Variants in RAPSN observed in about 807,000 individuals in gnomAD.
The protein encoded by RAPSN is 43 kDa receptor-associated protein of the synapse.
Under a neutral mutation model 45.7 loss-of-function variants are expected in RAPSN, and 33 were observed. The observed-to-expected ratio is 0.72, with a 90% CI of 0.55 to 0.97. The LOEUF (loss-of-function observed/expected upper bound fraction) is 0.97. Among genes scored for constraint, RAPSN ranks in the 50% least tolerant of loss-of-function variants. The pLI, the probability that RAPSN is intolerant of heterozygous loss-of-function variation, is 0.00. For synonymous variants in RAPSN, 244 were observed against 233.6 expected, an observed-to-expected ratio of 1.04 and a Z score of -0.40; for missense variants, 519 against 559.4, an observed-to-expected ratio of 0.93 and a Z score of 0.73.
chr11:47,442,535 G>T, intron 3 of RAPSN, 121 bp downstream of exon 3: 2 of 1,164,200 alleles, frequency 1.7e-6, no homozygotes, highest in Non-Finnish European at 2.4e-6. Context: ...GGCTGGGCCA[G>T]AGGCAAGCCC....
In RAPSN at chr11:47,448,760, CG is replaced by C. The variant is rs776703465; in HGVS notation, c.192+12del. The C allele has an allele frequency of 4.4e-6, 7 of 1,606,774 alleles. No individual in the cohort carries two copies. The South Asian group carries it at 7.7e-5, about 18-fold the overall frequency. ...GCCTGACCCTCGAACGCCCCCAGGC[CG>C]GGTACACCCACCTTCAGCATCTCCT... On this transcript the variant is annotated intron_variant, in intron 1 of 7. Coordinates refer to ENST00000298854, the MANE Select transcript of RAPSN (RefSeq NM_005055.5).
At chr11:47,442,163 C>A (rs2076370890) in intron 3 of RAPSN, among the ~76,000 whole-genome samples, 1 of 152,212 alleles carries the variant, frequency 6.6e-6, no homozygotes, top group African/African-American at 2.4e-5. Flanking sequence ...AGTGACAAAG[C>A]TGGGATGTGA....
In RAPSN at chr11:47,441,852, C is replaced by T. The variant is rs750888238; in HGVS notation, c.760G>A (p.Asp254Asn). The T allele has an allele frequency of 2.5e-6, 4 of 1,573,008 alleles. No individual in the cohort carries two copies. In the Admixed American group the frequency reaches 5.3e-5, roughly 21 times the overall value. Residue 254 changes from aspartate to asparagine, a missense_variant, in exon 4 of 8, where the codon GAC (aspartate) becomes AAC (asparagine). By Grantham distance (23) the Asp-to-Asn change is conservative. Coordinates refer to ENST00000298854, the MANE Select transcript of RAPSN (RefSeq NM_005055.5). ...LQALCLLCFADIHRSRGDLET... is the reference protein window; with the variant it reads ...LQALCLLCFANIHRSRGDLET... ...AGGTCCCCACGGCTCCGGTGGATGTCAGCGAAGCAGAGCAGGCAGAGCGCC... is the reference window on the plus strand; with the variant it reads ...AGGTCCCCACGGCTCCGGTGGATGTTAGCGAAGCAGAGCAGGCAGAGCGCC...
At chr11:47,442,582 C>G in intron 3 of RAPSN, 74 bp downstream of exon 3, 1 of 1,532,968 alleles carries the variant, frequency 6.5e-7, no homozygotes, top group Non-Finnish European at 8.9e-7. Flanking sequence ...AAGAAGGAAG[C>G]CCTGCTGTCC....
At chr11:47,442,205 C>A (rs534924757) in intron 3 of RAPSN, among the ~76,000 whole-genome samples, 2 of 152,214 alleles carry the variant, frequency 1.3e-5, no homozygotes, top group Non-Finnish European at 2.9e-5. Flanking sequence ...GAAACTGGCC[C>A]TCTTCCGTCT....
At position 47,448,113 on chromosome 11, in the gene RAPSN, T is replaced by A; in HGVS notation, c.230A>T (p.Glu77Val). 1 of 1,613,498 alleles carries A rather than the reference T, an allele frequency of 6.2e-7. No individual in the cohort carries two copies. The highest frequency in any genetic ancestry group is 8.5e-7 in the Non-Finnish European group (1 of 1,179,966). ...VVQIDTAREL[E>V]DADFLLESYL... ...GCTCTCCAGGAGGAAGTCGGCATCC[T>A]CCAGCTCCCGGGCCGTGTCGATCTG... is the stretch of plus-strand genomic sequence containing the variant. Residue 77 changes from glutamate to valine, a missense_variant, in exon 2 of 8, where the codon GAG (glutamate) becomes GTG (valine). Glu to Val is a moderately radical substitution (Grantham distance 121). Coordinates refer to ENST00000298854, the MANE Select transcript of RAPSN (RefSeq NM_005055.5).
intron 5 of RAPSN, 94 bp downstream of exon 5, chr11:47,441,517 G>A (rs768805389): frequency 1.3e-5 from 20 of 1,575,642 alleles, no homozygotes; most frequent in Middle Eastern, 3.3e-4. Flanking sequence ...TGAGGCTGAC[G>A]TCAGACAAAG....
intron 2 of RAPSN, 78 bp downstream of exon 2, chr11:47,447,734 T>C (rs893879867): frequency 4.0e-5 from 58 of 1,444,272 alleles, no homozygotes; most frequent in Admixed American, 2.7e-4. Context: ...CTGAATGAGG[T>C]AGTGCCACAG....
intron 2 of RAPSN, among the ~76,000 whole-genome samples, chr11:47,444,508 C>T (rs1466310441): frequency 6.6e-6 from 1 of 151,864 alleles, no homozygotes; most frequent in African/African-American, 2.4e-5. Flanking sequence ...CACTGCACTC[C>T]ATCCTGGGTG....
At position 47,441,823 on chromosome 11, in the gene RAPSN, C is replaced by T; in HGVS notation, c.789G>A (p.Glu263=). The T allele has an allele frequency of 6.4e-7, 1 of 1,573,822 alleles. No homozygotes were observed. Among genetic ancestry groups the T allele is most frequent in the Non-Finnish European group, 8.6e-7 (1 of 1,165,486 alleles). Residue 263 remains glutamate, a splice_region_variant and synonymous_variant, in exon 4 of 8, where the codon GAG becomes GAA. Coordinates refer to ENST00000298854, the MANE Select transcript of RAPSN (RefSeq NM_005055.5). ...AGCCCCTGCATCCCGGTGACCTCAC[C>T]TCCAGGTCCCCACGGCTCCGGTGGA... ...ADIHRSRGDL[E]TAFPRYDSAM...
intron 3 of RAPSN, 76 bp from the exon 4 acceptor site, chr11:47,441,997 C>T: frequency 1.4e-6 from 2 of 1,415,344 alleles, no homozygotes; most frequent in South Asian, 1.2e-5. Context: ...ACAGACCCCT[C>T]TGAAGGGACA....
rs371398455 is a variant in RAPSN at position 47,441,154 on chromosome 11, C to G, written c.966+5G>C. On this transcript the variant is annotated splice_donor_5th_base_variant and intron_variant, in intron 6 of 7. Coordinates refer to ENST00000298854, the MANE Select transcript of RAPSN (RefSeq NM_005055.5). ...CCAGATCCAGGACACAGAATCAAGT[C>G]TGACCTTGTTCCCCACCTCCTCGGC... 6 of 1,614,024 alleles carry G rather than the reference C, an allele frequency of 3.7e-6. No homozygotes were observed. In the African/African-American group the frequency reaches 6.7e-5, roughly 18 times the overall value.
intron 3 of RAPSN, among the ~76,000 whole-genome samples, chr11:47,442,135 G>C (rs934211972): frequency 1.3e-5 from 2 of 152,236 alleles, no homozygotes; most frequent in African/African-American, 4.8e-5. Context: ...GAAGTGACTT[G>C]ATTGGGGTCA....
At chr11:47,446,471 G>A (rs1423388775) in intron 2 of RAPSN, among the ~76,000 whole-genome samples, 2 of 152,088 alleles carry the variant, frequency 1.3e-5, no homozygotes, top group Admixed American at 6.6e-5. Flanking sequence ...TTGGTGACTC[G>A]TTTCCTCCCA....
chr11:47,441,369 G>A (rs1002976952), intron 5 of RAPSN, among the ~76,000 whole-genome samples, 157 bp from the exon 6 acceptor site: 1 of 152,160 alleles, frequency 6.6e-6, no homozygotes, highest in Non-Finnish European at 1.5e-5. Flanking sequence ...AGTCATAGGG[G>A]CTGTGTGGGC....
At chr11:47,439,854 A>G (rs1367762030) in intron 6 of RAPSN, among the ~76,000 whole-genome samples, 1 of 151,752 alleles carries the variant, frequency 6.6e-6, no homozygotes. Flanking sequence ...CTGGGATTAC[A>G]GGCGTGCACT....
chr11:47,438,298 C>T (rs1187473398), intron 7 of RAPSN, among the ~76,000 whole-genome samples: 1 of 152,098 alleles, frequency 6.6e-6, no homozygotes, highest in Non-Finnish European at 1.5e-5. Context: ...ACCAGACCCA[C>T]GGCAGGTCTG....
chr11:47,437,842 C>T lies in RAPSN; in HGVS notation c.*133G>A. On this transcript the variant is annotated 3_prime_UTR_variant, in exon 8 of 8. Coordinates refer to ENST00000298854, the MANE Select transcript of RAPSN (RefSeq NM_005055.5). ...AGGGGAGCTGGGCCCAGGGGAGCAG[C>T]CCTGGGCAGGCCCCAAGGCCTTGGC... 8.7e-7 allele frequency: 1 copy of T among 1,155,142 alleles called. No homozygotes were observed. Among genetic ancestry groups the T allele is most frequent in the Non-Finnish European group, 1.3e-6 (1 of 792,640 alleles). The allele number at this position is 1,155,142 out of a possible 1,614,324, so 71.6% of individuals were successfully genotyped here. A position where few individuals can be genotyped will look rare whatever the true frequency, so the allele number is the denominator to read the frequency against.
intron 1 of RAPSN, 121 bp downstream of exon 1, chr11:47,448,652 G>A: frequency 7.8e-7 from 1 of 1,279,804 alleles, no homozygotes; most frequent in South Asian, 1.3e-5. Flanking sequence ...AGAGCCTCGG[G>A]CCCTGGCTGC....
Sources: gnomAD v4.1 joint callset for allele counts (sites outside exome capture counted in the v4.1 genomes callset) on GRCh38, gnomAD v4.1.1 for gene constraint, MANE v1.5 for transcripts, NCBI Gene and HGNC (gene_info 2026-07-23, HGNC 2026-07-21) for gene names.